The following SGMS1 variants were observed in gnomAD, a reference collection of about 807,000 sequenced individuals.
SGMS1 encodes the protein phosphatidylcholine:ceramide cholinephosphotransferase 1.
A neutral mutation model predicts 46.2 loss-of-function variants in SGMS1; 13 were observed. The observed-to-expected ratio is 0.28, with a 90% CI of 0.18 to 0.45. The LOEUF (loss-of-function observed/expected upper bound fraction) is 0.45, where lower values mean the gene tolerates loss of function less well. SGMS1 is among the 20% of genes least tolerant of loss of function. The probability of loss-of-function intolerance (pLI) is 1.00; values close to 1 mark genes in which losing one functional copy is unlikely to be tolerated. For synonymous variants in SGMS1, 203 were observed against 187.8 expected (o/e 1.08, Z -0.66); for missense variants, 324 against 519.9 (o/e 0.62, Z 3.66).
intron 6 of SGMS1, among the ~76,000 whole-genome samples, chr10:50,382,323 T>C (rs990465071): frequency 8.5e-5 from 13 of 152,112 alleles, no homozygotes; most frequent in African/African-American, 3.1e-4. Context: ...TTCAAGGATA[T>C]AGAAAATGCA....
At chr10:50,368,213 C>T (rs1848379642) in intron 6 of SGMS1, among the ~76,000 whole-genome samples, 1 of 152,172 alleles carries the variant, frequency 6.6e-6, no homozygotes, top group African/African-American at 2.4e-5. Flanking sequence ...TCTAAGCTAT[C>T]TTGCAGTCAT....
intron 8 of SGMS1, among the ~76,000 whole-genome samples, chr10:50,312,211 A>G (rs1007693674): frequency 1.3e-5 from 2 of 152,100 alleles, no homozygotes; most frequent in Non-Finnish European, 2.9e-5. Flanking sequence ...AATTACCATG[A>G]TTTCAATATT....
intron 6 of SGMS1, among the ~76,000 whole-genome samples, chr10:50,422,690 A>G (rs1368083626): frequency 2.0e-5 from 3 of 152,244 alleles, no homozygotes; most frequent in Non-Finnish European, 4.4e-5. Flanking sequence ...CTATTTACCA[A>G]CAGGTGCTCC....
At chr10:50,339,932 T>C (rs1284881562) in intron 7 of SGMS1, among the ~76,000 whole-genome samples, 1 of 152,194 alleles carries the variant, frequency 6.6e-6, no homozygotes, top group Non-Finnish European at 1.5e-5. Flanking sequence ...AAGGAGCTGG[T>C]TCTCCATCTG....
chr10:50,336,640 A>G (rs1262821563), intron 7 of SGMS1, among the ~76,000 whole-genome samples: 1 of 152,182 alleles, frequency 6.6e-6, no homozygotes, highest in African/African-American at 2.4e-5. Context: ...TGGCATCTAC[A>G]ACACTAAATC....
chr10:50,358,378 T>C (rs1339007283), intron 6 of SGMS1, among the ~76,000 whole-genome samples: 1 of 152,190 alleles, frequency 6.6e-6, no homozygotes, highest in African/African-American at 2.4e-5. Context: ...AAGCTTCAAG[T>C]TCAGATAAAA....
At chr10:50,450,105 C>T (rs1223362248) in intron 5 of SGMS1, among the ~76,000 whole-genome samples, 1 of 152,040 alleles carries the variant, frequency 6.6e-6, no homozygotes, top group Non-Finnish European at 1.5e-5. Context: ...ATGAGAATAA[C>T]AGTGTCAGAG....
At chr10:50,388,365 G>A (rs550339004) in intron 6 of SGMS1, among the ~76,000 whole-genome samples, 72 of 151,962 alleles carry the variant, frequency 4.7e-4, no homozygotes, top group African/African-American at 1.5e-3. Flanking sequence ...TGGGTATGGT[G>A]GCTCATGCCT....
chr10:50,521,664 C>G (rs988143739), intron 2 of SGMS1, among the ~76,000 whole-genome samples: 1 of 152,086 alleles, frequency 6.6e-6, no homozygotes, highest in Non-Finnish European at 1.5e-5. Context: ...GCCTCTCCCC[C>G]TTTTTATATT....
intron 2 of SGMS1, among the ~76,000 whole-genome samples, chr10:50,545,978 C>T (rs1838097507): frequency 6.6e-6 from 1 of 152,182 alleles, no homozygotes. Context: ...TATACAAAAA[C>T]TCTAGTTACT....
chr10:50,548,186 T>C (rs966991598), intron 2 of SGMS1, among the ~76,000 whole-genome samples: 3 of 152,164 alleles, frequency 2.0e-5, no homozygotes, highest in Non-Finnish European at 4.4e-5. Context: ...CCATTGATAT[T>C]CTTCATAGAA....
intron 5 of SGMS1, among the ~76,000 whole-genome samples, chr10:50,438,598 T>A (rs1262211276): frequency 6.6e-6 from 1 of 152,250 alleles, no homozygotes; most frequent in Middle Eastern, 3.2e-3. Context: ...AACTGTGAGA[T>A]AATTTTGTGA....
At chr10:50,465,937 A>AAATAGTC (rs138562824) in intron 4 of SGMS1, among the ~76,000 whole-genome samples, 1 of 152,054 alleles carries the variant, frequency 6.6e-6, no homozygotes, top group Non-Finnish European at 1.5e-5. Flanking sequence ...CCACAAAAAA[A>AAATAGTC]ATAATAAAGT....
In SGMS1 at chr10:50,610,369, A is replaced by G. The variant is rs375178152; in HGVS notation, c.-684+13338T>C. Among the ~76,000 whole-genome samples the G allele has an allele frequency of 4.6e-5, 7 of 152,324 alleles. No homozygotes were observed. The East Asian group carries it at 1.2e-3, about 25-fold the overall frequency. ...AAATACCTTCCTGGTGAATTTAATG[A>G]GAGTTTTAGATGCACTGTCCCCCAA... On this transcript the variant is annotated intron_variant, in intron 1 of 10. Transcript: ENST00000361781.
chr10:50,579,704 C>T (rs897859957), intron 2 of SGMS1, among the ~76,000 whole-genome samples: 6 of 152,142 alleles, frequency 3.9e-5, no homozygotes, highest in African/African-American at 1.4e-4. Context: ...AAAGTCTTAC[C>T]TCCCATATGA....
intron 5 of SGMS1, among the ~76,000 whole-genome samples, chr10:50,455,504 A>G (rs776767978): frequency 2.6e-5 from 4 of 152,208 alleles, no homozygotes; most frequent in Admixed American, 2.0e-4. Flanking sequence ...CTGGGCACCA[A>G]TTGTAAATTA....
intron 2 of SGMS1, among the ~76,000 whole-genome samples, chr10:50,575,394 A>T (rs1343372926): frequency 6.6e-6 from 1 of 152,062 alleles, no homozygotes; most frequent in Admixed American, 6.6e-5. Context: ...TCTCTATAAA[A>T]TAAAAAAATT....
At chr10:50,469,469 C>T (rs529692568) in intron 3 of SGMS1, among the ~76,000 whole-genome samples, 1 of 152,200 alleles carries the variant, frequency 6.6e-6, no homozygotes, top group Admixed American at 6.5e-5. Flanking sequence ...TGGACATATG[C>T]CATGAAGATA....
rs1696469356 is a variant in SGMS1, at chr10:50,393,218, G to C, written c.-232+40258C>G. 5.9e-5 allele frequency among the ~76,000 whole-genome samples: 9 copies of C among 152,188 alleles called. No individual in the cohort carries two copies. The South Asian group carries it at 1.9e-3, about 32-fold the overall frequency. ...CTTGAACAAAGTGGGACCTAACCCT[G>C]AAAGGGCACCCAAATATTACCCACG... On this transcript the variant is annotated intron_variant, in intron 6 of 10. Coordinates refer to ENST00000361781, the MANE Select transcript of SGMS1 (RefSeq NM_147156.4).
Sources: gnomAD v4.1 joint callset for allele counts (sites outside exome capture counted in the v4.1 genomes callset) on GRCh38, gnomAD v4.1.1 for gene constraint, MANE v1.5 for transcripts, NCBI Gene and HGNC (gene_info 2026-07-23, HGNC 2026-07-21) for gene names.